The following PBRM1 variants were observed in gnomAD, a reference collection of about 807,000 sequenced individuals.
PBRM1 encodes the protein protein polybromo-1.
A neutral mutation model predicts 194.5 loss-of-function variants in PBRM1; 27 were observed. That is an observed-to-expected ratio of 0.14 (90% CI 0.10 to 0.19). The LOEUF (loss-of-function observed/expected upper bound fraction) is 0.19. Among genes scored for constraint, PBRM1 ranks in the 10% least tolerant of loss-of-function variants. The pLI is 1.00. For synonymous variants in PBRM1, 655 were observed against 693.2 expected (o/e 0.94, Z 0.87); for missense variants, 1,466 against 2,077.2 (o/e 0.71, Z 5.72).
At chr3:52,678,542 C>T (rs2154057651) in exon 2 of PBRM1, 1 of 1,613,690 alleles carries the variant, frequency 6.2e-7, no homozygotes, top group Non-Finnish European at 8.5e-7. Context: ...GAGAAGTCTG[C>T]CCTGTTCATC....
Position 52,611,873 on chromosome 3 carries a change from G to C in PBRM1, c.1925-1918C>G, listed in dbSNP as rs142802770. Among the ~76,000 whole-genome samples the C allele has an allele frequency of 4.0e-3, 613 of 152,132 alleles. 3 individuals carry two copies. Among genetic ancestry groups the C allele is most frequent in the South Asian group, 0.023 (109 of 4,814 alleles). On this transcript the variant is annotated intron_variant, in intron 15 of 29. Transcript: ENST00000296302. ...ATATGGATGCAATCAGCAAAACCCA[G>C]ACTATGGGAAACTACAGCACAAATC...
chr3:52,672,491 C>CTTTTT (rs34792299), intron 2 of PBRM1, among the ~76,000 whole-genome samples: 13 of 103,854 alleles, frequency 1.3e-4, no homozygotes, highest in Admixed American at 3.5e-4. Flanking sequence ...TTTTTTTTGG[C>CTTTTT]TTTTTTTTTT....
At chr3:52,660,447 T>C (rs1031834133) in intron 4 of PBRM1, among the ~76,000 whole-genome samples, 1 of 152,014 alleles carries the variant, frequency 6.6e-6, no homozygotes, top group African/African-American at 2.4e-5. Context: ...TAAAATTTTA[T>C]ACATATAAAA....
At position 52,648,459 on chromosome 3, in the gene PBRM1, A is replaced by C; in HGVS notation, c.715-17T>G. The C allele has an allele frequency of 1.5e-6, 2 of 1,334,516 alleles. No homozygotes were observed. The highest frequency in any genetic ancestry group is 2.1e-6 in the Non-Finnish European group (2 of 935,230). The allele number at this position is 1,334,516 out of a possible 1,614,324, so 82.7% of individuals were successfully genotyped here. A position where few individuals can be genotyped will look rare whatever the true frequency, so the allele number is the denominator to read the frequency against. On this transcript the variant is annotated splice_polypyrimidine_tract_variant and intron_variant, in intron 6 of 29. Transcript: ENST00000296302. ...GCTTCCATTCTACAATAAACAACAA[A>C]ATATAGCAGTTCCTTTTAATGAGAG...
intron 2 of PBRM1, among the ~76,000 whole-genome samples, chr3:52,674,382 G>A (rs2154025838): frequency 6.6e-6 from 1 of 150,992 alleles, no homozygotes; most frequent in Non-Finnish European, 1.5e-5. Context: ...TCGGGAAGCT[G>A]GGGCAGGAGA....
chr3:52,616,751 T>A (rs1209089932), intron 14 of PBRM1, among the ~76,000 whole-genome samples: 1 of 152,232 alleles, frequency 6.6e-6, no homozygotes, highest in East Asian at 1.9e-4. Context: ...TAGAGGTACA[T>A]TTATGGGACT....
intron 22 of PBRM1, among the ~76,000 whole-genome samples, chr3:52,571,854 CCCAAAAAA>C (rs1345542462): frequency 2.5e-3 from 90 of 36,658 alleles, no homozygotes; most frequent in Non-Finnish European, 3.7e-3. Context: ...ACCTCATCTC[CCCAAAAAA>C]AAAAAAAAAA....
At chr3:52,663,842 G>A (rs1434706147) in intron 3 of PBRM1, among the ~76,000 whole-genome samples, 2 of 151,872 alleles carry the variant, frequency 1.3e-5, no homozygotes, top group African/African-American at 4.8e-5. Flanking sequence ...GGGGGATCAT[G>A]GGGTCAGAAG....
rs1370306564 is a variant in PBRM1, at chr3:52,657,788, T to C, written c.645+411A>G. ...CCTGGCCCAACATCTTCCTTTTCTTTTTTTTTTTTTAAATTTGAGACGGAG... is the reference window on the plus strand; with the variant it reads ...CCTGGCCCAACATCTTCCTTTTCTTCTTTTTTTTTTAAATTTGAGACGGAG... On this transcript the variant is annotated intron_variant, in intron 5 of 29. Coordinates refer to ENST00000296302, the Ensembl canonical transcript of PBRM1. Among the ~76,000 whole-genome samples, 10 of 138,438 alleles carry C rather than the reference T, an allele frequency of 7.2e-5. No individual in the cohort carries two copies. In the East Asian group the frequency reaches 2.0e-3, roughly 27 times the overall value. 90.8% of individuals were successfully genotyped at this position (138,438 alleles called of 152,430 possible).
At chr3:52,668,732 A>G (rs2096888334) in intron 2 of PBRM1, 87 bp from the exon 4 acceptor site, 1 of 637,424 alleles carries the variant, frequency 1.6e-6, no homozygotes, top group Admixed American at 4.0e-5. Flanking sequence ...AATGTTCAAC[A>G]TTCCAAGTGA....
intron 22 of PBRM1, among the ~76,000 whole-genome samples, chr3:52,568,764 A>G (rs1362263268): frequency 2.0e-5 from 3 of 152,110 alleles, no homozygotes; most frequent in Non-Finnish European, 4.4e-5. Flanking sequence ...TAAACTTTCT[A>G]TTTTGTTCAA....
chr3:52,655,045 C>T (rs1477953562), intron 5 of PBRM1, among the ~76,000 whole-genome samples: 1 of 152,040 alleles, frequency 6.6e-6, no homozygotes, highest in Non-Finnish European at 1.5e-5. Flanking sequence ...TACACCTATC[C>T]TGTACTTCTT....
upstream of PBRM1, chr3:52,682,356 A>G (rs1207833213): frequency 6.7e-6 from 1 of 149,408 alleles, no homozygotes. Context: ...GAGACACCAT[A>G]TAAAAATTTG....
exon 1 of PBRM1, chr3:52,679,594 T>A: frequency 6.2e-7 from 1 of 1,613,506 alleles, no homozygotes; most frequent in South Asian, 1.1e-5. Flanking sequence ...GTTGGAAGAT[T>A]GGAAAGTCTC....
rs768403462 is a variant in PBRM1 at position 52,609,442 on chromosome 3, T to G, written c.2438A>C (p.Asn813Thr). The change falls in exon 16 of 30, where the codon AAC (asparagine) becomes ACC (threonine). Residue 813 changes from asparagine (N) to threonine (T), a missense_variant. By Grantham distance (65) the Asn-to-Thr change is moderately conservative. Transcript: ENST00000296302. The surrounding 1 kb of genome is among the most constrained non-coding windows in gnomAD (Gnocchi z 4.1). ...TGTAAGGGGTGGTTTGTTAGGAAAG[T>G]TGGGATCCACAGCAGGAATTTCTGC... The G allele has an allele frequency of 4.3e-6, 7 of 1,613,980 alleles. No individual in the cohort carries two copies. The African/African-American group carries it at 5.3e-5, about 12-fold the overall frequency.
chr3:52,593,652 G>A (rs1023931867), intron 17 of PBRM1, among the ~76,000 whole-genome samples: 15 of 152,164 alleles, frequency 9.9e-5, no homozygotes, highest in South Asian at 4.1e-4. Context: ...TCGTTTCAAA[G>A]AACTTCTTGA....
intron 17 of PBRM1, among the ~76,000 whole-genome samples, chr3:52,591,507 CTTTG>C (rs2093036384): frequency 9.2e-5 from 9 of 98,068 alleles, no homozygotes; most frequent in East Asian, 6.3e-4. Context: ...TAGTTTTTGT[CTTTG>C]TTTTTTTTTT....
chr3:52,605,808 G>C (rs1170056703), intron 16 of PBRM1, among the ~76,000 whole-genome samples: 1 of 151,854 alleles, frequency 6.6e-6, no homozygotes, highest in African/African-American at 2.4e-5. Context: ...TCACCATGTT[G>C]GCCAGGCTGG....
chr3:52,627,527 A>C (rs2095483821), intron 12 of PBRM1, among the ~76,000 whole-genome samples, 157 bp from the exon 14 acceptor site: 1 of 152,198 alleles, frequency 6.6e-6, no homozygotes, highest in African/African-American at 2.4e-5. Flanking sequence ...TTCAATAACC[A>C]ATTTTAACAA....
Sources: allele counts gnomAD v4.1 joint callset (sites outside exome capture counted in the v4.1 genomes callset), GRCh38; gene constraint gnomAD v4.1.1; non-coding constraint Gnocchi (gnomAD v3.1); transcripts MANE v1.5; gene names NCBI Gene and HGNC (gene_info 2026-07-23, HGNC 2026-07-21).